Variants in ACVR1C observed in about 807,000 individuals in gnomAD.
ACVR1C encodes the protein activin receptor type-1C.
Under a neutral mutation model 57.9 loss-of-function variants are expected in ACVR1C, and 23 were observed. The ratio of observed to expected loss-of-function variants is 0.40; its 90% CI spans 0.29 to 0.56. ACVR1C has a LOEUF of 0.56. Ranked by LOEUF, ACVR1C falls within the 20% of genes least tolerant of loss-of-function variation. The pLI, the probability that ACVR1C is intolerant of heterozygous loss-of-function variation, is 0.50. For missense variants in ACVR1C, 480 were observed against 607.9 expected (o/e 0.79, Z 2.21); for synonymous variants, 214 against 215.3 (o/e 0.99, Z 0.05).
chr2:157,573,808 A>T (rs1019807898), intron 2 of ACVR1C, among the ~76,000 whole-genome samples: 1 of 152,148 alleles, frequency 6.6e-6, no homozygotes, highest in Admixed American at 6.5e-5. Context: ...CCAAAATACA[A>T]CCCAGCCATA....
At chr2:157,546,124 T>G (rs752001773) in intron 4 of ACVR1C, among the ~76,000 whole-genome samples, 1 of 152,276 alleles carries the variant, frequency 6.6e-6, no homozygotes, top group Non-Finnish European at 1.5e-5. Context: ...ATGATTAAAC[T>G]AGCCCATGAA....
intron 1 of ACVR1C, among the ~76,000 whole-genome samples, chr2:157,609,827 T>C (rs1682491039): frequency 6.6e-6 from 1 of 152,056 alleles, no homozygotes; most frequent in Non-Finnish European, 1.5e-5. Flanking sequence ...TTCATCCCTT[T>C]ACTTTCAGTG....
intron 3 of ACVR1C, among the ~76,000 whole-genome samples, chr2:157,552,710 A>G (rs1340303079): frequency 1.3e-5 from 2 of 152,224 alleles, no homozygotes; most frequent in Non-Finnish European, 2.9e-5. Flanking sequence ...GGAACAAAGT[A>G]AGACAACAAT....
intron 1 of ACVR1C, among the ~76,000 whole-genome samples, chr2:157,591,312 G>T (rs1395711737): frequency 2.0e-5 from 3 of 151,938 alleles, no homozygotes; most frequent in African/African-American, 4.8e-5. Context: ...AAAGACAAAG[G>T]TCTCAGCCCT....
chr2:157,552,380 G>A (rs1243654698), intron 3 of ACVR1C, among the ~76,000 whole-genome samples: 1 of 152,182 alleles, frequency 6.6e-6, no homozygotes, highest in African/African-American at 2.4e-5. Flanking sequence ...TGATCCACCT[G>A]CCTCGGCCTC....
intron 8 of ACVR1C, among the ~76,000 whole-genome samples, chr2:157,535,134 G>C (rs1687450618): frequency 1.1e-5 from 1 of 94,556 alleles, no homozygotes; most frequent in South Asian, 4.3e-4. Flanking sequence ...GACAGTGCAA[G>C]ACTCTGTCCA....
At chr2:157,597,457 C>A in intron 1 of ACVR1C, 1 of 985,454 alleles carries the variant, frequency 1.0e-6, no homozygotes, top group Non-Finnish European at 1.2e-6. Context: ...GGACACCCTG[C>A]GGTCGCCGGG....
At position 157,532,415 on chromosome 2, in the gene ACVR1C, ACT is replaced by A. The variant is rs1233684288; in HGVS notation, c.*1501_*1502del. ...TACTGTTATCAATAGCATTTACTTC[ACT>A]CTTCAAAATACATTATATGCTAACA... On this transcript the variant is annotated 3_prime_UTR_variant, in exon 9 of 9. Transcript: ENST00000243349. The A allele has an allele frequency of 6.7e-6, 1 of 148,238 alleles. No homozygotes were observed. Among genetic ancestry groups the A allele is most frequent in the Non-Finnish European group, 1.5e-5 (1 of 67,270 alleles). The allele number at this position is 148,238 out of a possible 1,614,324, so 9.2% of individuals were successfully genotyped here.
chr2:157,559,656 C>T (rs1465131228), intron 2 of ACVR1C, among the ~76,000 whole-genome samples: 1 of 152,058 alleles, frequency 6.6e-6, no homozygotes, highest in Non-Finnish European at 1.5e-5. Context: ...CACGTTAAAT[C>T]CCAAAAGTGA....
intron 2 of ACVR1C, among the ~76,000 whole-genome samples, chr2:157,556,657 CTTTT>C (rs1169628343): frequency 2.1e-3 from 185 of 87,880 alleles, no homozygotes; most frequent in African/African-American, 8.3e-3. Context: ...CAGCAGTACA[CTTTT>C]TTTTTTTTTT....
intron 3 of ACVR1C, among the ~76,000 whole-genome samples, chr2:157,552,910 G>C (rs1687955627): frequency 6.6e-6 from 1 of 152,202 alleles, no homozygotes; most frequent in Non-Finnish European, 1.5e-5. Context: ...AGGGGGTGTA[G>C]AAGGTTAGCT....
intron 1 of ACVR1C, among the ~76,000 whole-genome samples, chr2:157,604,113 T>C (rs1288653960): frequency 5.3e-5 from 8 of 152,086 alleles, no homozygotes; most frequent in Non-Finnish European, 1.2e-4. Flanking sequence ...TATGACTTCT[T>C]AGTTTATCTA....
chr2:157,586,780 G>T (rs1688932437), intron 2 of ACVR1C, among the ~76,000 whole-genome samples: 1 of 152,096 alleles, frequency 6.6e-6, no homozygotes, highest in Non-Finnish European at 1.5e-5. Flanking sequence ...AGAAAAGTTG[G>T]CAATCTGCTA....
rs534730019 is a variant in ACVR1C at position 157,527,917 on chromosome 2, C to T, written c.*6001G>A. ...TATGGACGATATCAAAATTGGGGTC[C>T]ATGTGCCTTGCTGCAGATTGTCTGG... On this transcript the variant is annotated 3_prime_UTR_variant, in exon 9 of 9. Transcript: ENST00000243349. 1 of 152,230 alleles carries T rather than the reference C, an allele frequency of 6.6e-6. No homozygotes were observed. The highest frequency in any genetic ancestry group is 2.1e-4 in the South Asian group (1 of 4,830). The allele number at this position is 152,230 out of a possible 1,614,324, so 9.4% of individuals were successfully genotyped here.
intron 1 of ACVR1C, among the ~76,000 whole-genome samples, chr2:157,603,440 T>C (rs112482557): frequency 7.6e-4 from 116 of 152,220 alleles, no homozygotes; most frequent in African/African-American, 2.6e-3. Flanking sequence ...GTTAACACAT[T>C]AATGATCCTC....
rs928367787 is a variant in ACVR1C at position 157,550,042 on chromosome 2, A to C, written c.775+120T>G. Reference sequence around the variant, plus strand: ...AGAAAGAAAAGGAAAAGGAAAAAAAAAAAAAGAAGAGGTGAATTTATTTTT... The same window carrying C: ...AGAAAGAAAAGGAAAAGGAAAAAAACAAAAAGAAGAGGTGAATTTATTTTT... On this transcript the variant is annotated intron_variant, in intron 4 of 8. Coordinates refer to ENST00000243349, the MANE Select transcript of ACVR1C (RefSeq NM_145259.3). 1.4e-5 allele frequency: 12 copies of C among 855,244 alleles called. No homozygotes were observed. In the Admixed American group the frequency reaches 3.0e-4, roughly 21 times the overall value. 53.0% of individuals were successfully genotyped at this position (855,244 alleles called of 1,614,324 possible).
chr2:157,557,081 C>A (rs1357501059), intron 2 of ACVR1C, among the ~76,000 whole-genome samples: 16 of 151,078 alleles, frequency 1.1e-4, no homozygotes, highest in Non-Finnish European at 2.4e-4. Context: ...GGAAAGAGCC[C>A]AAATTCCTGT....
chr2:157,533,897 T>G lies in ACVR1C; in HGVS notation c.*21A>C. 6.6e-7 allele frequency: 1 copy of G among 1,525,826 alleles called. No homozygotes were observed. Among genetic ancestry groups the G allele is most frequent in the Non-Finnish European group, 8.8e-7 (1 of 1,142,042 alleles). The allele number at this position is 1,525,826 out of a possible 1,614,324, so 94.5% of individuals were successfully genotyped here. On this transcript the variant is annotated 3_prime_UTR_variant, in exon 9 of 9. Coordinates refer to ENST00000243349, the MANE Select transcript of ACVR1C (RefSeq NM_145259.3). ...GGAAAAGAAAGCTATGAGAGATTTC[T>G]TTTTAACATAATTATCATCATTAGG... is the stretch of plus-strand genomic sequence containing the variant.
At chr2:157,582,186 G>A (rs1688806764) in intron 2 of ACVR1C, among the ~76,000 whole-genome samples, 2 of 152,070 alleles carry the variant, frequency 1.3e-5, no homozygotes, top group South Asian at 4.2e-4. Context: ...TTAGCCAGAT[G>A]TGGTGGCATG....
Sources: allele counts gnomAD v4.1 joint callset (sites outside exome capture counted in the v4.1 genomes callset), GRCh38; gene constraint gnomAD v4.1.1; transcripts MANE v1.5; gene names NCBI Gene and HGNC (gene_info 2026-07-23, HGNC 2026-07-21).